The following SMARCC1 variants were observed in gnomAD, a reference collection of about 807,000 sequenced individuals.
SMARCC1 encodes the protein SWI/SNF complex subunit SMARCC1.
Under a neutral mutation model 147.4 loss-of-function variants are expected in SMARCC1, and 43 were observed. That is an observed-to-expected ratio of 0.29 (90% CI 0.23 to 0.38). The LOEUF is 0.38. Ranked by LOEUF, SMARCC1 falls within the 10% of genes least tolerant of loss-of-function variation. SMARCC1 has a pLI of 1.00. For synonymous variants in SMARCC1, 495 were observed against 484.4 expected, an observed-to-expected ratio of 1.02 and a Z score of -0.29; for missense variants, 1,119 against 1,381.1, an observed-to-expected ratio of 0.81 and a Z score of 3.01.
intron 19 of SMARCC1, among the ~76,000 whole-genome samples, chr3:47,666,335 T>A (rs749490418): frequency 2.7e-4 from 41 of 152,188 alleles, no homozygotes; most frequent in Non-Finnish European, 4.7e-4. Context: ...TGGACATACC[T>A]CTAATCATAA....
At chr3:47,717,299 A>T (rs1452355225) in intron 7 of SMARCC1, among the ~76,000 whole-genome samples, 2 of 152,326 alleles carry the variant, frequency 1.3e-5, no homozygotes, top group East Asian at 3.9e-4. Context: ...AGAACACAGT[A>T]ATCCGTTCAA....
At chr3:47,635,526 T>C (rs1041169322) in intron 23 of SMARCC1, among the ~76,000 whole-genome samples, 182 bp from the exon 24 acceptor site, 1 of 152,214 alleles carries the variant, frequency 6.6e-6, no homozygotes, top group South Asian at 2.1e-4. Flanking sequence ...ATTGGGGACA[T>C]ATTTTCTAAA....
At chr3:47,713,267 G>A (rs149962417) in intron 8 of SMARCC1, among the ~76,000 whole-genome samples, 2,259 of 151,912 alleles carry the variant, frequency 0.015, 31 homozygotes, top group Non-Finnish European at 0.023. Context: ...GCCGTAAGCC[G>A]AGATCGCGCC....
At chr3:47,631,393 A>G (rs945574615) in intron 24 of SMARCC1, among the ~76,000 whole-genome samples, 2 of 152,190 alleles carry the variant, frequency 1.3e-5, no homozygotes, top group African/African-American at 4.8e-5. Context: ...TCTTGGAAGA[A>G]CTGAACCTAC....
chr3:47,599,203 A>G lies in SMARCC1; in HGVS notation c.3044-8366T>C, dbSNP rs150684183. ...GGAGTTTGAGACCAGCCTAGCCAAC[A>G]TGGTGAAACCCTGTCTCTACTAATA... On this transcript the variant is annotated intron_variant, in intron 26 of 27. Transcript: ENST00000254480. 4.8e-3 allele frequency among the ~76,000 whole-genome samples: 736 copies of G among 152,298 alleles called. 6 individuals carry two copies. Among genetic ancestry groups the G allele is most frequent in the African/African-American group, 0.017 (686 of 41,562 alleles).
chr3:47,780,073 T>G (rs1297432361), intron 1 of SMARCC1, among the ~76,000 whole-genome samples: 1 of 151,452 alleles, frequency 6.6e-6, no homozygotes, highest in African/African-American at 2.4e-5. Context: ...GTCTCTCACT[T>G]CCTCAAACTT....
Position 47,676,798 on chromosome 3 carries a change from C to T in SMARCC1, c.1572-16G>A, listed in dbSNP as rs771274217. The stretch of plus-strand genomic sequence containing the variant: ...GGCATGGACCCTAAAGAATAAAGCT[C>T]GGAAAGTTAAAATCTAAAGAATCAA... On this transcript the variant is annotated splice_polypyrimidine_tract_variant and intron_variant, in intron 16 of 27. Transcript: ENST00000254480. The T allele has an allele frequency of 1.9e-5, 30 of 1,609,132 alleles. No homozygotes were observed. Among genetic ancestry groups the T allele is most frequent in the East Asian group, 6.7e-5 (3 of 44,862 alleles).
chr3:47,628,964 A>G (rs1359189026), intron 24 of SMARCC1, among the ~76,000 whole-genome samples: 1 of 152,236 alleles, frequency 6.6e-6, no homozygotes, highest in African/African-American at 2.4e-5. Flanking sequence ...CAATCACTGC[A>G]AAACTCTGCT....
chr3:47,608,849 TAAAA>T (rs35698988), intron 26 of SMARCC1, among the ~76,000 whole-genome samples: 4 of 86,864 alleles, frequency 4.6e-5, no homozygotes, highest in Non-Finnish European at 8.6e-5. Flanking sequence ...ACAGTGTCTT[TAAAA>T]AAAAAAAAAA....
chr3:47,677,237 T>C (rs184271721), intron 16 of SMARCC1, among the ~76,000 whole-genome samples: 69 of 152,136 alleles, frequency 4.5e-4, no homozygotes, highest in Non-Finnish European at 8.2e-4. Context: ...GTAGCTGGGA[T>C]TACAGGTGAC....
intron 6 of SMARCC1, among the ~76,000 whole-genome samples, chr3:47,722,603 T>C (rs1189511803): frequency 1.3e-5 from 2 of 152,174 alleles, no homozygotes; most frequent in Non-Finnish European, 1.5e-5. Flanking sequence ...GCCAAAAAAA[T>C]TTTTGATTTT....
chr3:47,751,186 C>T (rs1363008094), intron 2 of SMARCC1, among the ~76,000 whole-genome samples: 3 of 152,082 alleles, frequency 2.0e-5, no homozygotes, highest in Non-Finnish European at 2.9e-5. Context: ...GCGTGAGCCA[C>T]CGCGCCTGGC....
intron 19 of SMARCC1, among the ~76,000 whole-genome samples, chr3:47,667,055 C>G (rs924773993): frequency 6.6e-6 from 1 of 152,124 alleles, no homozygotes; most frequent in Non-Finnish European, 1.5e-5. Context: ...CGGTGGCTCA[C>G]GCCTGTAATC....
intron 2 of SMARCC1, among the ~76,000 whole-genome samples, chr3:47,764,197 C>T (rs957595812): frequency 2.6e-5 from 4 of 152,014 alleles, no homozygotes; most frequent in African/African-American, 4.8e-5. Context: ...CCACCATGCA[C>T]GACTAATTTT....
At chr3:47,671,004 G>T (rs1258166006) in intron 18 of SMARCC1, among the ~76,000 whole-genome samples, 1 of 151,422 alleles carries the variant, frequency 6.6e-6, no homozygotes, top group East Asian at 1.9e-4. Flanking sequence ...GGCCAACACG[G>T]TGAAACCCCA....
At chr3:47,751,324 C>A (rs1177093198) in intron 2 of SMARCC1, among the ~76,000 whole-genome samples, 1 of 151,940 alleles carries the variant, frequency 6.6e-6, no homozygotes, top group Non-Finnish European at 1.5e-5. Context: ...AGGCTGATCA[C>A]GAGGTAAGGA....
intron 2 of SMARCC1, among the ~76,000 whole-genome samples, chr3:47,758,809 G>A (rs2034735732): frequency 1.3e-5 from 2 of 151,984 alleles, no homozygotes; most frequent in African/African-American, 4.8e-5. Context: ...TGAGGTGGGT[G>A]GATGACCTGA....
chr3:47,672,219 T>A (rs982207206), intron 18 of SMARCC1, among the ~76,000 whole-genome samples: 1 of 151,956 alleles, frequency 6.6e-6, no homozygotes, highest in Non-Finnish European at 1.5e-5. Flanking sequence ...GGATTACTTT[T>A]CTTTTCTTTT....
intron 1 of SMARCC1, among the ~76,000 whole-genome samples, chr3:47,781,257 G>A (rs557550973): frequency 6.6e-6 from 1 of 152,304 alleles, no homozygotes; most frequent in South Asian, 2.1e-4. Flanking sequence ...CTTTTACCAC[G>A]CTTGCTCGGT....
Sources: allele counts gnomAD v4.1 joint callset (sites outside exome capture counted in the v4.1 genomes callset), GRCh38; gene constraint gnomAD v4.1.1; transcripts MANE v1.5; gene names NCBI Gene and HGNC (gene_info 2026-07-23, HGNC 2026-07-21).